The following USP47 variants were observed in gnomAD, a reference collection of about 807,000 sequenced individuals.
USP47 encodes ubiquitin specific peptidase 47.
Under a neutral mutation model 165.1 loss-of-function variants are expected in USP47, and 35 were observed. That is an observed-to-expected ratio of 0.21 (90% CI 0.16 to 0.28). The LOEUF is 0.28. USP47 is among the 10% of genes least tolerant of loss of function. The probability of loss-of-function intolerance (pLI) is 1.00; values close to 1 mark genes in which losing one functional copy is unlikely to be tolerated. For synonymous variants in USP47, 531 were observed against 544.5 expected (o/e 0.98, Z 0.35); for missense variants, 1,277 against 1,607.4 (o/e 0.79, Z 3.52).
intron 1 of USP47, chr11:11,873,796 A>G: frequency 1.4e-6 from 2 of 1,464,048 alleles, no homozygotes; most frequent in Non-Finnish European, 1.8e-6. Flanking sequence ...CTTATATACC[A>G]TAGGATGTGT....
intron 11 of USP47, among the ~76,000 whole-genome samples, chr11:11,928,199 G>A (rs144191214): frequency 1.3e-5 from 2 of 151,906 alleles, no homozygotes; most frequent in African/African-American, 2.4e-5. Context: ...TCAAAATTTT[G>A]TCTAGTGTAT....
At chr11:11,951,822 A>G (rs886230854) in intron 24 of USP47, 1 of 152,178 alleles carries the variant, frequency 6.6e-6, no homozygotes, top group African/African-American at 2.4e-5. Context: ...AGTGCTCCAG[A>G]TTGTGATTTC....
At chr11:11,887,445 C>T (rs1023384740) in intron 3 of USP47, among the ~76,000 whole-genome samples, 1 of 152,048 alleles carries the variant, frequency 6.6e-6, no homozygotes, top group Non-Finnish European at 1.5e-5. Context: ...TCTGACAAAA[C>T]AGAGTTTACA....
intron 8 of USP47, among the ~76,000 whole-genome samples, chr11:11,918,233 T>C (rs1853572635): frequency 6.6e-6 from 1 of 152,034 alleles, no homozygotes; most frequent in African/African-American, 2.4e-5. Context: ...CAAACCCAAA[T>C]TGCAGAACAT....
intron 1 of USP47, among the ~76,000 whole-genome samples, chr11:11,860,811 T>C (rs1849336912): frequency 6.6e-6 from 1 of 152,210 alleles, no homozygotes; most frequent in East Asian, 1.9e-4. Flanking sequence ...CAGTATATTA[T>C]CAGTGGGTTA....
intron 21 of USP47, 125 bp downstream of exon 21, chr11:11,948,245 G>T: frequency 2.6e-6 from 3 of 1,145,528 alleles, no homozygotes; most frequent in Non-Finnish European, 3.6e-6. Context: ...ATGATTAATG[G>T]TAATTTGGGG....
chr11:11,895,099 G>T (rs1290485028), intron 4 of USP47, among the ~76,000 whole-genome samples: 2 of 151,812 alleles, frequency 1.3e-5, no homozygotes, highest in Admixed American at 6.6e-5. Context: ...TATTAATATT[G>T]CTGATATTAT....
chr11:11,860,372 T>C (rs1849310284), intron 1 of USP47, among the ~76,000 whole-genome samples: 1 of 152,080 alleles, frequency 6.6e-6, no homozygotes, highest in Non-Finnish European at 1.5e-5. Context: ...GTAGCCACTT[T>C]GACTTAAGGA....
intron 10 of USP47, 80 bp from the exon 11 acceptor site, chr11:11,922,644 G>C (rs965791103): frequency 2.6e-5 from 27 of 1,029,940 alleles, no homozygotes; most frequent in Admixed American, 3.5e-5. Context: ...GAAAATATTA[G>C]CAGTATATAG....
At chr11:11,882,134 C>G (rs989999993) in intron 2 of USP47, among the ~76,000 whole-genome samples, 1 of 152,124 alleles carries the variant, frequency 6.6e-6, no homozygotes. Context: ...AGTTCAGTAA[C>G]CATCAATCAC....
intron 1 of USP47, among the ~76,000 whole-genome samples, chr11:11,861,297 T>C (rs1242507933): frequency 6.6e-6 from 1 of 152,102 alleles, no homozygotes; most frequent in East Asian, 1.9e-4. Context: ...GGTTTCACCA[T>C]GTTGGCTAGG....
At chr11:11,943,245 C>A in intron 20 of USP47, 133 bp downstream of exon 20, 2 of 1,046,608 alleles carry the variant, frequency 1.9e-6, no homozygotes, top group Non-Finnish European at 2.7e-6. Context: ...AGATTATTGA[C>A]GCAGTTGTAA....
At chr11:11,899,004 A>C (rs1852021127) in intron 5 of USP47, among the ~76,000 whole-genome samples, 1 of 152,210 alleles carries the variant, frequency 6.6e-6, no homozygotes, top group Non-Finnish European at 1.5e-5. Flanking sequence ...AGGCACAGAG[A>C]AATATAGCTT....
chr11:11,892,166 A>G, intron 4 of USP47, 60 bp downstream of exon 4: 1 of 1,534,402 alleles, frequency 6.5e-7, no homozygotes, highest in Admixed American at 1.9e-5. Context: ...AATCTTAGCG[A>G]TTTGAAGCCT....
intron 8 of USP47, among the ~76,000 whole-genome samples, chr11:11,912,792 A>G (rs561876915): frequency 5.3e-5 from 8 of 152,280 alleles, no homozygotes; most frequent in Admixed American, 4.6e-4. Context: ...GAATTAAGCA[A>G]TTTATAAAAA....
At chr11:11,930,578 A>C in intron 13 of USP47, 118 bp from the exon 14 acceptor site, 1 of 768,394 alleles carries the variant, frequency 1.3e-6, no homozygotes, top group Non-Finnish European at 2.1e-6. Context: ...GTCTGTGAAC[A>C]GTGACATGAT....
chr11:11,903,126 A>G lies in USP47; in HGVS notation c.740-137A>G, dbSNP rs190620897. On this transcript the variant is annotated intron_variant, in intron 6 of 27. Coordinates refer to ENST00000527733, the MANE Select transcript of USP47 (RefSeq NM_001282659.2). The stretch of plus-strand genomic sequence containing the variant: ...GATTTCCTTTTCATGACTGTCATGT[A>G]TATTCTTATGTTCTTTTTTAAATTT... 5.3e-4 allele frequency: 453 copies of G among 849,350 alleles called. 3 individuals carry two copies. Among genetic ancestry groups the G allele is most frequent in the Non-Finnish European group, 7.0e-4 (398 of 569,966 alleles). The allele number at this position is 849,350 out of a possible 1,614,324, so 52.6% of individuals were successfully genotyped here.
Position 11,920,384 on chromosome 11 carries a change from C to T in USP47, c.1108C>T (p.Leu370=). 6.2e-7 allele frequency: 1 copy of T among 1,610,874 alleles called. No homozygotes were observed. Among genetic ancestry groups the T allele is most frequent in the Non-Finnish European group, 8.5e-7 (1 of 1,178,312 alleles). The change falls in exon 10 of 28, where the codon CTG becomes TTG. Residue 370 remains leucine (L), a synonymous_variant. Transcript: ENST00000527733. Reference sequence around the variant, plus strand: ...TTTTCCTTATCTGCTGACCTTACAGCTGAAAAGATTCGATTTTGATTATAC... The same window carrying T: ...TTTTCCTTATCTGCTGACCTTACAGTTGAAAAGATTCGATTTTGATTATAC... ...LHFPYLLTLQ[L]KRFDFDYTTM...
intron 1 of USP47, among the ~76,000 whole-genome samples, chr11:11,858,858 G>A (rs1174458818): frequency 6.6e-6 from 1 of 152,066 alleles, no homozygotes; most frequent in African/African-American, 2.4e-5. Flanking sequence ...ATAAATATTT[G>A]TATACAAGCT....
Sources: allele counts gnomAD v4.1 joint callset (sites outside exome capture counted in the v4.1 genomes callset), GRCh38; gene constraint gnomAD v4.1.1; transcripts MANE v1.5; gene names NCBI Gene and HGNC (gene_info 2026-07-23, HGNC 2026-07-21).